The following EEFSEC variants were observed in gnomAD, a reference collection of about 807,000 sequenced individuals.
The protein encoded by EEFSEC is selenocysteine-specific elongation factor.
EEFSEC carries 43 observed loss-of-function variants against 42.1 expected under a neutral mutation model. The observed-to-expected ratio is 1.02, with a 90% CI of 0.80 to 1.32. The LOEUF (loss-of-function observed/expected upper bound fraction) is 1.32, where lower values mean the gene tolerates loss of function less well. Ranked by LOEUF, EEFSEC falls within the 40% of genes most tolerant of loss-of-function variation. EEFSEC has a pLI of 0.00. For missense variants in EEFSEC, 745 were observed against 803.6 expected (o/e 0.93, Z 0.88); for synonymous variants, 354 against 339.1 (o/e 1.04, Z -0.48).
intron 6 of EEFSEC, among the ~76,000 whole-genome samples, chr3:128,378,658 T>C (rs1431796670): frequency 6.6e-6 from 1 of 152,120 alleles, no homozygotes; most frequent in African/African-American, 2.4e-5. Flanking sequence ...ATGGCAAGTG[T>C]GGGAAAGCCA....
Position 128,241,256 on chromosome 3 carries a change from G to A in EEFSEC, c.317-5580G>A, listed in dbSNP as rs145294100. Reference sequence around the variant, plus strand: ...GGGTCTCACTCTGTCACCCAGGCTGGAGTACAGTGGTGTAATCAGGCCTTG... The same window carrying A: ...GGGTCTCACTCTGTCACCCAGGCTGAAGTACAGTGGTGTAATCAGGCCTTG... On this transcript the variant is annotated intron_variant, in intron 1 of 6. Transcript: ENST00000254730. Among the ~76,000 whole-genome samples the A allele has an allele frequency of 2.8e-3, 383 of 137,062 alleles. 1 individual carries two copies. Among genetic ancestry groups the A allele is most frequent in the African/African-American group, 9.4e-3 (351 of 37,418 alleles). The allele number at this position is 137,062 out of a possible 152,430, so 89.9% of individuals were successfully genotyped here. A position where few individuals can be genotyped will look rare whatever the true frequency, so the allele number is the denominator to read the frequency against.
chr3:128,343,944 C>T (rs1178451603), intron 5 of EEFSEC, among the ~76,000 whole-genome samples: 1 of 152,232 alleles, frequency 6.6e-6, no homozygotes, highest in Non-Finnish European at 1.5e-5. Context: ...AGACAGGCTT[C>T]CTCCAACCAG....
At chr3:128,425,194 C>T in the EEFSEC span, among the ~76,000 whole-genome samples, 156 of 152,340 alleles carry the variant, frequency 1.0e-3, 1 homozygote, top group Middle Eastern at 0.01. Flanking sequence ...CCCTCGCACA[C>T]CCGGCCCCAG....
chr3:128,394,986 C>T (rs2981017), intron 6 of EEFSEC, among the ~76,000 whole-genome samples: 50,552 of 152,142 alleles, frequency 0.33, 10,404 homozygotes, highest in Non-Finnish European at 0.44. Context: ...GGCCACTAAC[C>T]GAGCACTCTG....
chr3:128,235,915 C>T (rs1399968391), intron 1 of EEFSEC, among the ~76,000 whole-genome samples: 1 of 152,078 alleles, frequency 6.6e-6, no homozygotes, highest in Non-Finnish European at 1.5e-5. Flanking sequence ...GCAGGACTAT[C>T]TGTCTCCCCT....
intron 2 of EEFSEC, among the ~76,000 whole-genome samples, chr3:128,260,987 C>A (rs1327013535): frequency 2.0e-5 from 3 of 149,668 alleles, no homozygotes; most frequent in African/African-American, 4.9e-5. Context: ...AAAAAACATT[C>A]ATGCCCGCTG....
chr3:128,409,796 G>A (rs2068161134), downstream of EEFSEC, among the ~76,000 whole-genome samples: 1 of 152,160 alleles, frequency 6.6e-6, no homozygotes, highest in South Asian at 2.1e-4. Flanking sequence ...CTCTCCCTGG[G>A]GCCTGACCCC....
chr3:128,307,476 T>G (rs1037904617), intron 4 of EEFSEC, among the ~76,000 whole-genome samples: 6 of 152,210 alleles, frequency 3.9e-5, no homozygotes, highest in African/African-American at 1.4e-4. Context: ...TCCTGGAAGT[T>G]AAGGCCTGGC....
intron 6 of EEFSEC, among the ~76,000 whole-genome samples, chr3:128,407,338 C>T (rs1034659460): frequency 6.6e-6 from 1 of 152,168 alleles, no homozygotes; most frequent in African/African-American, 2.4e-5. Flanking sequence ...CAGAGGATCC[C>T]GGGATGAGCC....
At chr3:128,246,727 T>G (rs10512698) in intron 1 of EEFSEC, 109 bp from the exon 2 acceptor site, 120,542 of 1,153,156 alleles carry the variant, frequency 0.1, 7,083 homozygotes, top group Non-Finnish European at 0.12. Context: ...TCACCATTTA[T>G]TCCACTTTGC....
chr3:128,197,431 C>T (rs1443342703), intron 1 of EEFSEC, among the ~76,000 whole-genome samples: 1 of 152,164 alleles, frequency 6.6e-6, no homozygotes, highest in Non-Finnish European at 1.5e-5. Context: ...CCATCACGCC[C>T]AGCTAATTTT....
chr3:128,293,189 G>GTCTA (rs1445889777), intron 4 of EEFSEC, among the ~76,000 whole-genome samples: 1 of 152,060 alleles, frequency 6.6e-6, no homozygotes, highest in Non-Finnish European at 1.5e-5. Context: ...TTATTTTATG[G>GTCTA]TCTAGCCTAT....
chr3:128,411,801 C>T (rs1226575042), downstream of EEFSEC, among the ~76,000 whole-genome samples: 10 of 152,288 alleles, frequency 6.6e-5, no homozygotes, highest in South Asian at 1.7e-3. Flanking sequence ...AAACGGGAAG[C>T]CCTGGGGGCC....
intron 6 of EEFSEC, among the ~76,000 whole-genome samples, chr3:128,401,955 T>C (rs566661808): frequency 1.5e-3 from 230 of 152,314 alleles, no homozygotes; most frequent in Non-Finnish European, 2.5e-3. Flanking sequence ...GACAGCACCA[T>C]GGGCCTAGAG....
chr3:128,155,476 T>C (rs1447619706), intron 1 of EEFSEC, among the ~76,000 whole-genome samples: 1 of 152,192 alleles, frequency 6.6e-6, no homozygotes, highest in African/African-American at 2.4e-5. Flanking sequence ...CTTAAATATA[T>C]GGATAGAGTT....
intron 1 of EEFSEC, among the ~76,000 whole-genome samples, chr3:128,239,721 CAG>C (rs1239896907): frequency 1.3e-5 from 2 of 152,208 alleles, no homozygotes; most frequent in African/African-American, 4.8e-5. Context: ...CAGTAGAAAA[CAG>C]AAATGCAATT....
intron 2 of EEFSEC, among the ~76,000 whole-genome samples, chr3:128,261,443 T>C (rs2999066): frequency 0.84 from 127,772 of 152,080 alleles, 54,143 homozygotes; most frequent in East Asian, 0.99. Flanking sequence ...ATACATACTA[T>C]AACCAAAATC....
intron 1 of EEFSEC, among the ~76,000 whole-genome samples, chr3:128,194,836 A>C (rs1171997710): frequency 6.6e-6 from 1 of 152,250 alleles, no homozygotes; most frequent in Admixed American, 6.5e-5. Flanking sequence ...ATTAAATGTT[A>C]ACAGTAGCTA....
intron 1 of EEFSEC, among the ~76,000 whole-genome samples, chr3:128,243,343 C>T (rs1031046207): frequency 4.6e-5 from 7 of 152,176 alleles, no homozygotes; most frequent in Admixed American, 4.6e-4. Flanking sequence ...GTTTCATTTC[C>T]CATCCACAGG....
Sources: allele counts gnomAD v4.1 joint callset (sites outside exome capture counted in the v4.1 genomes callset), GRCh38; gene constraint gnomAD v4.1.1; transcripts MANE v1.5; gene names NCBI Gene and HGNC (gene_info 2026-07-23, HGNC 2026-07-21).